The following PLCE1 variants were observed in gnomAD, a reference collection of about 807,000 sequenced individuals.
The protein encoded by PLCE1 is phospholipase C epsilon 1.
PLCE1 carries 119 observed loss-of-function variants against 242.8 expected under a neutral mutation model. The ratio of observed to expected loss-of-function variants is 0.49; its 90% CI spans 0.42 to 0.57. The LOEUF (loss-of-function observed/expected upper bound fraction) is 0.57, where lower values mean the gene tolerates loss of function less well. Ranked by LOEUF, PLCE1 falls within the 20% of genes least tolerant of loss-of-function variation. The pLI, the probability that PLCE1 is intolerant of heterozygous loss-of-function variation, is 0.00. For missense variants in PLCE1, 2,441 were observed against 2,788.8 expected (o/e 0.88, Z 2.81); for synonymous variants, 945 against 1,017.4 (o/e 0.93, Z 1.35).
intron 2 of PLCE1, among the ~76,000 whole-genome samples, chr10:94,058,190 G>C (rs989284778): frequency 2.6e-5 from 4 of 152,138 alleles, no homozygotes; most frequent in African/African-American, 9.7e-5. Context: ...TCTTTTGCTT[G>C]TTACTGCATG....
intron 13 of PLCE1, 140 bp downstream of exon 13, chr10:94,259,290 T>TC: frequency 1.1e-6 from 1 of 884,236 alleles, no homozygotes; most frequent in Non-Finnish European, 1.8e-6. Flanking sequence ...AGAGAATTTT[T>TC]TTTTTTTTTT....
At chr10:94,153,190 C>T (rs1590135203) in intron 3 of PLCE1, among the ~76,000 whole-genome samples, 1 of 152,212 alleles carries the variant, frequency 6.6e-6, no homozygotes, top group Non-Finnish European at 1.5e-5. Context: ...GTCTGTTGGT[C>T]TCGTACAAAG....
chr10:94,316,783 C>T (rs560346742), intron 29 of PLCE1, 27 bp downstream of exon 29: 2 of 1,508,870 alleles, frequency 1.3e-6, no homozygotes, highest in African/African-American at 1.4e-5. Flanking sequence ...GCAGCCTACA[C>T]AGTAACGACT....
intron 8 of PLCE1, among the ~76,000 whole-genome samples, chr10:94,247,114 GAAA>G (rs398014491): frequency 4.2e-4 from 42 of 100,398 alleles, no homozygotes; most frequent in Non-Finnish European, 7.7e-4. Flanking sequence ...TCTGTCTCAG[GAAA>G]AAAAAAAAAA....
At chr10:94,109,620 A>G (rs2045881005) in intron 2 of PLCE1, among the ~76,000 whole-genome samples, 1 of 152,186 alleles carries the variant, frequency 6.6e-6, no homozygotes, top group African/African-American at 2.4e-5. Flanking sequence ...AGGAGAAAAT[A>G]TGGCCAAAAA....
intron 4 of PLCE1, among the ~76,000 whole-genome samples, chr10:94,187,326 A>G (rs985322432): frequency 9.2e-5 from 14 of 152,148 alleles, no homozygotes; most frequent in Admixed American, 4.6e-4. Flanking sequence ...GTATCTCCCA[A>G]CATGATATGG....
intron 4 of PLCE1, among the ~76,000 whole-genome samples, chr10:94,224,787 G>A (rs1051434675): frequency 1.3e-5 from 2 of 152,224 alleles, no homozygotes; most frequent in Non-Finnish European, 2.9e-5. Flanking sequence ...GCTCTAGTGA[G>A]CCAGGGTTTC....
intron 4 of PLCE1, among the ~76,000 whole-genome samples, chr10:94,224,066 T>G (rs928836105): frequency 2.6e-5 from 4 of 151,880 alleles, no homozygotes; most frequent in African/African-American, 9.7e-5. Flanking sequence ...ATAAGAATTG[T>G]CCGTGAGGCT....
At chr10:94,034,662 G>A (rs906733831) in intron 2 of PLCE1, among the ~76,000 whole-genome samples, 1 of 152,128 alleles carries the variant, frequency 6.6e-6, no homozygotes, top group African/African-American at 2.4e-5. Flanking sequence ...GCCATGTTAG[G>A]TATGGTGATT....
rs1397526790 is a variant in PLCE1, at chr10:94,332,019, G to A, written c.*4076G>A. The A allele has an allele frequency of 6.6e-6, 1 of 151,900 alleles. No individual in the cohort carries two copies. Among genetic ancestry groups the A allele is most frequent in the East Asian group, 1.9e-4 (1 of 5,170 alleles). 9.4% of individuals were successfully genotyped at this position (151,900 alleles called of 1,614,324 possible). ...CCCAAGTAGCTGGGACTACAGGTGT[G>A]CGCCATGTCCGTCTAATTTTTTTTA... is the stretch of plus-strand genomic sequence containing the variant. On this transcript the variant is annotated 3_prime_UTR_variant, in exon 33 of 33. Coordinates refer to ENST00000371380, the MANE Select transcript of PLCE1 (RefSeq NM_016341.4).
In PLCE1 at chr10:94,325,236, C is replaced by G. The variant is rs958766472; in HGVS notation, c.*24+132C>G. ...CCCTTGAAGGCAGGTAGGAATGGGA[C>G]CTTAAAACAGGAAAAGGGCTCTGAA... On this transcript the variant is annotated intron_variant, in intron 32 of 32. Coordinates refer to ENST00000371380, the MANE Select transcript of PLCE1 (RefSeq NM_016341.4). 33 of 696,046 alleles carry G rather than the reference C, an allele frequency of 4.7e-5. No homozygotes were observed. The African/African-American group carries it at 5.1e-4, about 11-fold the overall frequency. 43.1% of individuals were successfully genotyped at this position (696,046 alleles called of 1,614,324 possible).
chr10:94,119,542 C>T (rs2046239801), intron 2 of PLCE1, among the ~76,000 whole-genome samples: 1 of 152,158 alleles, frequency 6.6e-6, no homozygotes. Flanking sequence ...TACACTGTTC[C>T]CTTTGCTTAG....
rs767454770 is a variant in PLCE1 at position 94,270,609 on chromosome 10, T to G, written c.4506+7T>G. The G allele has an allele frequency of 2.0e-6, 3 of 1,529,156 alleles. No homozygotes were observed. In the Admixed American group the frequency reaches 5.0e-5, roughly 26 times the overall value. The allele number at this position is 1,529,156 out of a possible 1,614,324, so 94.7% of individuals were successfully genotyped here. ...AATGGCAGAAATTTTCAAGGTGAGC[T>G]CTCAACAAAAAGGCAGGATGGTATG... On this transcript the variant is annotated splice_region_variant and intron_variant, in intron 18 of 32. Transcript: ENST00000371380.
intron 2 of PLCE1, among the ~76,000 whole-genome samples, chr10:94,093,931 T>TTTA (rs2045184225): frequency 1.5e-5 from 2 of 134,300 alleles, no homozygotes; most frequent in African/African-American, 6.4e-5. Flanking sequence ...TTAATCGGTA[T>TTTA]TTCTTTTTTT....
chr10:94,193,583 A>T (rs1016269198), intron 4 of PLCE1, among the ~76,000 whole-genome samples: 1 of 152,212 alleles, frequency 6.6e-6, no homozygotes, highest in East Asian at 1.9e-4. Flanking sequence ...TGTTTATACA[A>T]TGTGCAGAAA....
chr10:94,220,047 G>C, intron 4 of PLCE1, among the ~76,000 whole-genome samples: 1 of 151,926 alleles, frequency 6.6e-6, no homozygotes, highest in African/African-American at 2.4e-5. Flanking sequence ...TTCATGTCAA[G>C]GAGGATGCCT....
At chr10:94,175,037 C>G (rs2048088683) in intron 4 of PLCE1, among the ~76,000 whole-genome samples, 2 of 152,090 alleles carry the variant, frequency 1.3e-5, no homozygotes, top group Admixed American at 6.5e-5. Flanking sequence ...TTCTGTAAAT[C>G]TAAAATTACT....
chr10:94,198,574 C>T (rs4545470), intron 4 of PLCE1, among the ~76,000 whole-genome samples: 42,530 of 152,140 alleles, frequency 0.28, 6,664 homozygotes, highest in African/African-American at 0.43. Flanking sequence ...GATACTGATC[C>T]CAAAAGTTTT....
intron 32 of PLCE1, 71 bp downstream of exon 32, chr10:94,325,175 G>C (rs2053964114): frequency 5.5e-6 from 6 of 1,088,822 alleles, no homozygotes; most frequent in South Asian, 1.3e-5. Flanking sequence ...GGCATAATTA[G>C]TACAATGTCT....
Sources: allele counts gnomAD v4.1 joint callset (sites outside exome capture counted in the v4.1 genomes callset), GRCh38; gene constraint gnomAD v4.1.1; transcripts MANE v1.5; gene names NCBI Gene and HGNC (gene_info 2026-07-23, HGNC 2026-07-21).